STX8: variants seen among roughly 807,000 people sequenced by gnomAD.
STX8 encodes the protein syntaxin 8.
Under a neutral mutation model 37.5 loss-of-function variants are expected in STX8, and 23 were observed. The observed-to-expected ratio is 0.61, with a 90% CI of 0.44 to 0.87. The LOEUF is 0.87. Ranked by LOEUF, STX8 falls within the 40% of genes least tolerant of loss-of-function variation. The pLI is 0.00. For missense variants in STX8, 313 were observed against 284.7 expected (o/e 1.10, Z -0.71); for synonymous variants, 115 against 99.1 (o/e 1.16, Z -0.95).
intron 3 of STX8, among the ~76,000 whole-genome samples, chr17:9,546,591 GTTTTTTTTTTTT>G (rs386385626): frequency 9.6e-5 from 5 of 52,218 alleles, no homozygotes; most frequent in South Asian, 1.1e-3. Flanking sequence ...TACAAAAGTG[GTTTTTTTTTTTT>G]TTTTTTTTTT....
chr17:9,355,489 C>G (rs550897250), intron 7 of STX8, among the ~76,000 whole-genome samples: 2 of 150,546 alleles, frequency 1.3e-5, no homozygotes, highest in African/African-American at 4.9e-5. Context: ...CATGCACCAC[C>G]ACACCTAGCA....
intron 7 of STX8, among the ~76,000 whole-genome samples, chr17:9,326,022 TG>T (rs912380323): frequency 3.3e-5 from 5 of 152,156 alleles, no homozygotes; most frequent in Admixed American, 3.3e-4. Context: ...GGGAAAAGGT[TG>T]GGGGTCGGGA....
At position 9,481,883 on chromosome 17, in the gene STX8, G is replaced by A. The variant is rs114795446; in HGVS notation, c.541+9946C>T. On this transcript the variant is annotated intron_variant, in intron 6 of 7. Transcript: ENST00000306357. ...ACGACAATCTGATGCCTGGTGATCT[G>A]AGGTTTAACAGTTTCGTCCTGAAAC... Among the ~76,000 whole-genome samples the A allele has an allele frequency of 1.6e-3, 238 of 152,320 alleles. 2 individuals carry two copies. Among genetic ancestry groups the A allele is most frequent in the African/African-American group, 5.5e-3 (230 of 41,568 alleles).
intron 6 of STX8, among the ~76,000 whole-genome samples, chr17:9,450,868 A>G (rs1432048516): frequency 2.0e-5 from 3 of 152,070 alleles, no homozygotes. Flanking sequence ...AGGAAGTCCA[A>G]ATGACATCCT....
intron 4 of STX8, among the ~76,000 whole-genome samples, chr17:9,535,464 G>A (rs1467366150): frequency 1.2e-4 from 7 of 60,642 alleles, no homozygotes; most frequent in Middle Eastern, 0.019. Context: ...ACGGAGTCTT[G>A]CTCTGTCACC....
intron 3 of STX8, among the ~76,000 whole-genome samples, chr17:9,548,961 G>A (rs1210703254): frequency 2.0e-5 from 3 of 152,160 alleles, no homozygotes; most frequent in Non-Finnish European, 4.4e-5. Flanking sequence ...GTTTCCTAAT[G>A]TTTGTCTCTA....
chr17:9,489,440 T>C (rs1597704075), intron 6 of STX8, among the ~76,000 whole-genome samples: 1 of 152,152 alleles, frequency 6.6e-6, no homozygotes, highest in Non-Finnish European at 1.5e-5. Flanking sequence ...TGCCTTATGC[T>C]GGACAAAGAA....
chr17:9,558,603 A>C (rs1234704640), intron 2 of STX8, among the ~76,000 whole-genome samples: 1 of 152,222 alleles, frequency 6.6e-6, no homozygotes, highest in African/African-American at 2.4e-5. Flanking sequence ...TGGGAGGCCG[A>C]GGAGGGTGGA....
intron 6 of STX8, among the ~76,000 whole-genome samples, chr17:9,441,895 T>C (rs2142388094): frequency 6.6e-6 from 1 of 152,030 alleles, no homozygotes; most frequent in South Asian, 2.1e-4. Flanking sequence ...CAGGATGGTC[T>C]CAATCTCCTG....
intron 7 of STX8, 73 bp from the exon 8 acceptor site, chr17:9,250,718 G>A: frequency 3.5e-6 from 5 of 1,440,860 alleles, no homozygotes; most frequent in Non-Finnish European, 4.8e-6. Context: ...CTGAGTGTCT[G>A]CAGAGACTCA....
intron 4 of STX8, among the ~76,000 whole-genome samples, chr17:9,529,290 C>T (rs903360524): frequency 2.0e-5 from 3 of 151,876 alleles, no homozygotes; most frequent in African/African-American, 4.8e-5. Context: ...GGTGCGCACA[C>T]GCATGTGTGT....
intron 7 of STX8, chr17:9,378,249 C>T (rs555038280): frequency 5.7e-4 from 132 of 232,738 alleles, no homozygotes; most frequent in African/African-American, 2.8e-3. Flanking sequence ...CCTTTAAAAC[C>T]CGCCAACCAG....
chr17:9,338,210 C>T (rs577335513), intron 7 of STX8, among the ~76,000 whole-genome samples: 235 of 151,970 alleles, frequency 1.5e-3, no homozygotes, highest in Non-Finnish European at 3.0e-3. Flanking sequence ...CCCGCCACCA[C>T]GCCCGGCTAA....
intron 7 of STX8, among the ~76,000 whole-genome samples, chr17:9,256,358 C>A (rs2142120896): frequency 6.6e-6 from 1 of 152,190 alleles, no homozygotes; most frequent in East Asian, 1.9e-4. Context: ...ACACCGGGAT[C>A]AAGAGTTTCT....
At chr17:9,542,885 CTG>C (rs1430730074) in intron 4 of STX8, among the ~76,000 whole-genome samples, 1 of 151,980 alleles carries the variant, frequency 6.6e-6, no homozygotes, top group Non-Finnish European at 1.5e-5. Context: ...GCAAGTCACA[CTG>C]TAAAGGACAC....
chr17:9,380,294 T>G (rs1911751300), intron 6 of STX8, among the ~76,000 whole-genome samples: 1 of 145,066 alleles, frequency 6.9e-6, no homozygotes, highest in South Asian at 2.2e-4. Context: ...AGGGTCTTGC[T>G]CTGTCACCCA....
intron 6 of STX8, among the ~76,000 whole-genome samples, chr17:9,461,913 G>C (rs1026243416): frequency 1.3e-5 from 2 of 152,106 alleles, no homozygotes; most frequent in African/African-American, 4.8e-5. Flanking sequence ...ATGCAACCTA[G>C]ATTTCCCTTG....
At chr17:9,270,269 G>A (rs1402772211) in intron 7 of STX8, among the ~76,000 whole-genome samples, 14 of 152,172 alleles carry the variant, frequency 9.2e-5, no homozygotes, top group Non-Finnish European at 1.5e-5. Context: ...TTTTGAGATG[G>A]AGTCTCGCTC....
At chr17:9,510,199 C>G (rs753587341) in intron 4 of STX8, among the ~76,000 whole-genome samples, 3 of 152,116 alleles carry the variant, frequency 2.0e-5, no homozygotes, top group Non-Finnish European at 4.4e-5. Flanking sequence ...ATTCTAACAT[C>G]TCACTCTCAG....
Sources: allele counts gnomAD v4.1 joint callset (sites outside exome capture counted in the v4.1 genomes callset), GRCh38; gene constraint gnomAD v4.1.1; transcripts MANE v1.5; gene names NCBI Gene and HGNC (gene_info 2026-07-23, HGNC 2026-07-21).